The following REDIC1 variants were observed in gnomAD, a reference collection of about 807,000 sequenced individuals.
The protein encoded by REDIC1 is regulator of DNA class I crossover intermediates 1.
chr12:39,657,187 AT>A, the REDIC1 span, among the ~76,000 whole-genome samples: 4 of 151,958 alleles, frequency 2.6e-5, no homozygotes. Context: ...TTTATGCTGT[AT>A]TTTTTTCCTA....
At chr12:39,860,552 T>C in the REDIC1 span, among the ~76,000 whole-genome samples, 1 of 152,186 alleles carries the variant, frequency 6.6e-6, no homozygotes, top group Non-Finnish European at 1.5e-5. Flanking sequence ...CAGCTGATGT[T>C]GGTTCATGGA....
the REDIC1 span, among the ~76,000 whole-genome samples, chr12:39,817,451 C>T: frequency 1.3e-5 from 2 of 152,180 alleles, no homozygotes; most frequent in South Asian, 2.1e-4. Flanking sequence ...CTCTTAGTAA[C>T]TTACATTGTA....
the REDIC1 span, among the ~76,000 whole-genome samples, chr12:39,769,293 G>A: frequency 6.6e-6 from 1 of 151,888 alleles, no homozygotes; most frequent in Admixed American, 6.6e-5. Flanking sequence ...TTTCCTATGT[G>A]ACGAACTTAC....
At chr12:39,844,039 A>G in the REDIC1 span, among the ~76,000 whole-genome samples, 1 of 152,146 alleles carries the variant, frequency 6.6e-6, no homozygotes, top group East Asian at 1.9e-4. Flanking sequence ...GTAAGAACAC[A>G]GTTTTGCTTG....
the REDIC1 span, among the ~76,000 whole-genome samples, chr12:39,672,196 T>A: frequency 6.6e-6 from 1 of 152,126 alleles, no homozygotes; most frequent in African/African-American, 2.4e-5. Flanking sequence ...AGCATCATGC[T>A]TGGACTTGGC....
At chr12:39,650,489 C>T in the REDIC1 span, 3 of 1,168,496 alleles carry the variant, frequency 2.6e-6, no homozygotes, top group South Asian at 5.6e-5. The surrounding 1 kb of genome is among the most constrained non-coding windows in gnomAD (Gnocchi z 4.3). Flanking sequence ...GAAAAAAATT[C>T]AAAAAGTAAA....
the REDIC1 span, chr12:39,745,815 T>C: frequency 2.0e-5 from 3 of 152,260 alleles, no homozygotes; most frequent in East Asian, 3.8e-4. Context: ...CTGTTGTTAA[T>C]GTAAGCATGG....
chr12:39,632,861 A>G, the REDIC1 span, among the ~76,000 whole-genome samples: 1 of 152,292 alleles, frequency 6.6e-6, no homozygotes, highest in East Asian at 1.9e-4. Context: ...CATATAAAAC[A>G]TGAATGGAGC....
chr12:39,907,729 G>A, the REDIC1 span: 25 of 150,526 alleles, frequency 1.7e-4, no homozygotes, highest in African/African-American at 5.6e-4. Context: ...GAAACAGGAA[G>A]CTGTAAATGT....
At chr12:39,864,753 G>A in the REDIC1 span, 1 of 1,612,200 alleles carries the variant, frequency 6.2e-7, no homozygotes, top group South Asian at 1.1e-5. Flanking sequence ...GAACATAATG[G>A]AATCTCACCT....
chr12:39,765,468 T>G, the REDIC1 span, among the ~76,000 whole-genome samples: 2 of 152,164 alleles, frequency 1.3e-5, no homozygotes, highest in East Asian at 3.9e-4. Flanking sequence ...GAAGTTGAAC[T>G]TCCAGTTCTT....
the REDIC1 span, among the ~76,000 whole-genome samples, chr12:39,710,275 A>G: frequency 1.8e-3 from 272 of 151,966 alleles, no homozygotes; most frequent in African/African-American, 6.0e-3. Flanking sequence ...TGTGTGTGCA[A>G]TCTTTATCAG....
the REDIC1 span, among the ~76,000 whole-genome samples, chr12:39,692,515 C>G: frequency 7.1e-6 from 1 of 140,600 alleles, no homozygotes; most frequent in African/African-American, 2.7e-5. Context: ...TGATCCAACT[C>G]TATATATTTT....
the REDIC1 span, among the ~76,000 whole-genome samples, chr12:39,711,975 ACATGT>A: frequency 3.1e-4 from 39 of 125,122 alleles, no homozygotes; most frequent in Non-Finnish European, 6.1e-4. Context: ...ATGTATATAT[ACATGT>A]CATGTCTATA....
At chr12:39,783,543 A>T in the REDIC1 span, among the ~76,000 whole-genome samples, 1 of 152,122 alleles carries the variant, frequency 6.6e-6, no homozygotes. Context: ...TTGTTTCCTG[A>T]CTTTTTAATG....
the REDIC1 span, among the ~76,000 whole-genome samples, chr12:39,635,236 G>A: frequency 0.016 from 2,478 of 152,170 alleles, 65 homozygotes; most frequent in African/African-American, 0.054. Context: ...ACAGTGTGGC[G>A]ATTCCTCAAG....
At chr12:39,697,711 T>G in the REDIC1 span, among the ~76,000 whole-genome samples, 2 of 152,294 alleles carry the variant, frequency 1.3e-5, no homozygotes, top group East Asian at 3.9e-4. Flanking sequence ...GTTCTAAGAT[T>G]GTATTTCCAA....
chr12:39,901,824 C>T, the REDIC1 span, among the ~76,000 whole-genome samples: 1 of 145,596 alleles, frequency 6.9e-6, no homozygotes, highest in African/African-American at 2.6e-5. Context: ...CCATTTGACC[C>T]AGCCATCCCA....
chr12:39,871,301 C>A, the REDIC1 span, among the ~76,000 whole-genome samples: 1 of 152,066 alleles, frequency 6.6e-6, no homozygotes, highest in African/African-American at 2.4e-5. Context: ...GGAATTTAGG[C>A]CTGTTTCAAA....
Sources: allele counts gnomAD v4.1 joint callset (sites outside exome capture counted in the v4.1 genomes callset), GRCh38; gene constraint gnomAD v4.1.1; non-coding constraint Gnocchi (gnomAD v3.1); transcripts MANE v1.5; gene names NCBI Gene and HGNC (gene_info 2026-07-23, HGNC 2026-07-21).